The following TAOK3 variants were observed in gnomAD, a reference collection of about 807,000 sequenced individuals.
The protein encoded by TAOK3 is serine/threonine-protein kinase TAO3.
In TAOK3, 40 loss-of-function variants were observed where a neutral mutation model predicts 120.4. That is an observed-to-expected ratio of 0.33 (90% confidence interval 0.26 to 0.43). TAOK3 has a LOEUF of 0.43. Ranked by LOEUF, TAOK3 falls within the 20% of genes least tolerant of loss-of-function variation. The pLI is 1.00. For synonymous variants in TAOK3, 355 were observed against 387.5 expected (o/e 0.92, Z 0.99); for missense variants, 821 against 1,112.1 (o/e 0.74, Z 3.72).
chr12:118,235,677 G>GAA lies in TAOK3; in HGVS notation c.438-7_438-6insTT. ...TATTTCCTGCTTTAATATCCCTATA[G>GAA]GAAAAAAAAAAAGGGTTAGAAAATT... On this transcript the variant is annotated splice_polypyrimidine_tract_variant and splice_region_variant and intron_variant, in intron 7 of 20. Coordinates refer to ENST00000392533, the MANE Select transcript of TAOK3 (RefSeq NM_016281.4). 1.3e-6 allele frequency: 2 copies of GAA among 1,511,828 alleles called. No homozygotes were observed. Among genetic ancestry groups the GAA allele is most frequent in the Admixed American group, 2.0e-5 (1 of 48,884 alleles). 93.7% of individuals were successfully genotyped at this position (1,511,828 alleles called of 1,614,324 possible).
chr12:118,246,096 G>C, intron 3 of TAOK3: 13 of 1,204,474 alleles, frequency 1.1e-5, no homozygotes, highest in Non-Finnish European at 1.5e-5. Context: ...GGCGGATGAC[G>C]CCGGTGCAGC....
intron 11 of TAOK3, among the ~76,000 whole-genome samples, chr12:118,207,156 G>T (rs1218946745): frequency 6.6e-6 from 1 of 151,570 alleles, no homozygotes; most frequent in Non-Finnish European, 1.5e-5. Flanking sequence ...GAGAAACCCT[G>T]TCTCTACTAA....
chr12:118,333,420 G>A (rs2044232548), intron 1 of TAOK3, among the ~76,000 whole-genome samples: 2 of 152,130 alleles, frequency 1.3e-5, no homozygotes, highest in South Asian at 2.1e-4. Flanking sequence ...AAATAAGAAC[G>A]ATGCATAGAT....
intron 1 of TAOK3, among the ~76,000 whole-genome samples, chr12:118,338,582 T>TCC (rs141696998): frequency 0.02 from 3,093 of 151,860 alleles, 102 homozygotes; most frequent in African/African-American, 0.071. Flanking sequence ...GGTCAGGAGC[T>TCC]CGAGACCAGC....
intron 1 of TAOK3, among the ~76,000 whole-genome samples, chr12:118,340,944 A>AT (rs1306669909): frequency 6.6e-6 from 1 of 151,998 alleles, no homozygotes; most frequent in African/African-American, 2.4e-5. Context: ...CCTGTCTCAA[A>AT]AGAACAAAAA....
intron 9 of TAOK3, among the ~76,000 whole-genome samples, chr12:118,217,811 G>GTATA (rs1555223814): frequency 8.0e-5 from 6 of 75,390 alleles, no homozygotes; most frequent in Admixed American, 1.6e-4. Context: ...GTGTGTGTGT[G>GTATA]TATACATATA....
intron 17 of TAOK3, among the ~76,000 whole-genome samples, chr12:118,172,199 G>A (rs1198588433): frequency 1.3e-5 from 2 of 152,176 alleles, no homozygotes; most frequent in Non-Finnish European, 2.9e-5. Flanking sequence ...TGTGTGATAT[G>A]GCTTATAACG....
intron 1 of TAOK3, among the ~76,000 whole-genome samples, chr12:118,366,792 T>C (rs749429306): frequency 6.6e-6 from 1 of 152,162 alleles, no homozygotes; most frequent in Non-Finnish European, 1.5e-5. Context: ...TTTCTAGGTA[T>C]AAAATGTTTA....
chr12:118,220,671 G>C (rs890681920), intron 9 of TAOK3, among the ~76,000 whole-genome samples: 5 of 151,932 alleles, frequency 3.3e-5, no homozygotes, highest in African/African-American at 1.2e-4. Context: ...AAAACACAAA[G>C]AAAACTCAGT....
chr12:118,202,277 A>C (rs2038062513), intron 11 of TAOK3, among the ~76,000 whole-genome samples: 1 of 151,950 alleles, frequency 6.6e-6, no homozygotes, highest in Non-Finnish European at 1.5e-5. Flanking sequence ...TGATGAACAC[A>C]TAGGATGTTT....
intron 1 of TAOK3, among the ~76,000 whole-genome samples, chr12:118,274,430 CT>C (rs961763185): frequency 6.6e-6 from 1 of 152,094 alleles, no homozygotes; most frequent in Non-Finnish European, 1.5e-5. Flanking sequence ...TAGACTACTC[CT>C]GGGTCAACTG....
At chr12:118,278,137 T>C (rs2041968798) in intron 1 of TAOK3, among the ~76,000 whole-genome samples, 1 of 152,092 alleles carries the variant, frequency 6.6e-6, no homozygotes, top group Admixed American at 6.5e-5. Context: ...AAGTAGAATT[T>C]GAATTTATTT....
chr12:118,357,579 C>T (rs983592425), intron 1 of TAOK3, among the ~76,000 whole-genome samples: 2 of 152,168 alleles, frequency 1.3e-5, no homozygotes, highest in African/African-American at 4.8e-5. Context: ...TAAACATGTA[C>T]AAATTAATAG....
chr12:118,172,358 G>C (rs1010227920), intron 17 of TAOK3, 99 bp downstream of exon 17: 1 of 1,308,794 alleles, frequency 7.6e-7, no homozygotes, highest in East Asian at 2.3e-5. Flanking sequence ...GGCTAGAAAG[G>C]CTAGGGATAT....
chr12:118,189,697 G>A, intron 14 of TAOK3, 110 bp downstream of exon 14: 1 of 1,297,608 alleles, frequency 7.7e-7, no homozygotes. Context: ...AAACATTCTT[G>A]ACTCCTTTCC....
chr12:118,295,060 T>C (rs923328827), intron 1 of TAOK3, among the ~76,000 whole-genome samples: 6 of 151,888 alleles, frequency 4.0e-5, no homozygotes, highest in African/African-American at 1.5e-4. Flanking sequence ...GTCAGCATTT[T>C]TTTTTTTCTT....
intron 2 of TAOK3, among the ~76,000 whole-genome samples, chr12:118,260,126 T>C (rs955974856): frequency 4.6e-5 from 7 of 152,112 alleles, no homozygotes; most frequent in African/African-American, 1.7e-4. Context: ...ACAATTTTTA[T>C]TTTATCTATT....
chr12:118,327,130 C>T (rs2043966250), intron 1 of TAOK3, among the ~76,000 whole-genome samples: 1 of 152,088 alleles, frequency 6.6e-6, no homozygotes, highest in African/African-American at 2.4e-5. Context: ...AAAAAATAAG[C>T]AAGGAAGCAA....
At chr12:118,255,372 C>T (rs551598459) in intron 3 of TAOK3, 76 bp downstream of exon 3, 37 of 1,520,774 alleles carry the variant, frequency 2.4e-5, no homozygotes, top group East Asian at 4.6e-5. Context: ...GGATTACAGG[C>T]GTGAGTCACT....
Sources: allele counts gnomAD v4.1 joint callset (sites outside exome capture counted in the v4.1 genomes callset), GRCh38; gene constraint gnomAD v4.1.1; transcripts MANE v1.5; gene names NCBI Gene and HGNC (gene_info 2026-07-23, HGNC 2026-07-21).